The following ADGRL3 variants were observed in gnomAD, a reference collection of about 807,000 sequenced individuals.
The protein encoded by ADGRL3 is adhesion G protein-coupled receptor L3, also known as calcium-independent alpha-latrotoxin receptor 3.
In ADGRL3, 62 loss-of-function variants were observed where a neutral mutation model predicts 153.5. The observed-to-expected ratio is 0.40, with a 90% CI of 0.33 to 0.50. The LOEUF is 0.50. Among genes scored for constraint, ADGRL3 ranks in the 20% least tolerant of loss-of-function variants. The probability of loss-of-function intolerance (pLI) is 0.47; values close to 1 mark genes in which losing one functional copy is unlikely to be tolerated. For synonymous variants in ADGRL3, 710 were observed against 672.5 expected (o/e 1.06, Z -0.86); for missense variants, 1,641 against 1,859.4 (o/e 0.88, Z 2.16).
intron 1 of ADGRL3, among the ~76,000 whole-genome samples, chr4:61,251,578 A>G (rs543109661): frequency 5.9e-5 from 9 of 152,262 alleles, no homozygotes; most frequent in African/African-American, 1.9e-4. Flanking sequence ...GTTATCGCCA[A>G]TGAGATGACA....
intron 2 of ADGRL3, among the ~76,000 whole-genome samples, chr4:61,495,633 C>G (rs2098307051): frequency 6.6e-6 from 1 of 152,068 alleles, no homozygotes; most frequent in African/African-American, 2.4e-5. Context: ...GATTATGTTT[C>G]TTTAGTATTT....
rs1406649583 is a variant in ADGRL3, at chr4:61,318,202, A to AAC, written c.-239-64921_-239-64920insCA. On this transcript the variant is annotated intron_variant, in intron 1 of 26. Coordinates refer to ENST00000683033, the MANE Select transcript of ADGRL3 (RefSeq NM_001387552.1). The stretch of plus-strand genomic sequence containing the variant: ...GAGTGAGAACCTGTCTCAAAAAAAA[A>AAC]AAAAAAAAAAAACACAAAACACACA... Among the ~76,000 whole-genome samples the AAC allele has an allele frequency of 3.5e-4, 41 of 117,570 alleles. No individual in the cohort carries two copies. In the East Asian group the frequency reaches 6.8e-3, roughly 19 times the overall value. 77.1% of individuals were successfully genotyped at this position (117,570 alleles called of 152,430 possible).
intron 1 of ADGRL3, among the ~76,000 whole-genome samples, chr4:61,300,938 T>A (rs1000062027): frequency 6.6e-6 from 1 of 152,070 alleles, no homozygotes; most frequent in Non-Finnish European, 1.5e-5. Flanking sequence ...CTAATTTTTG[T>A]ATTTTTAGTA....
chr4:61,584,974 C>G (rs947941762), intron 4 of ADGRL3, among the ~76,000 whole-genome samples: 2 of 151,938 alleles, frequency 1.3e-5, no homozygotes, highest in Admixed American at 1.3e-4. Flanking sequence ...ATTTTAGGGA[C>G]AACAGAAATG....
chr4:61,361,084 C>G (rs552334937), intron 1 of ADGRL3, among the ~76,000 whole-genome samples: 76 of 152,238 alleles, frequency 5.0e-4, no homozygotes, highest in African/African-American at 1.7e-3. Flanking sequence ...GCTCCTAGCC[C>G]CAGTGTTGTT....
chr4:61,630,230 T>G (rs528549262), intron 5 of ADGRL3, among the ~76,000 whole-genome samples: 1 of 152,338 alleles, frequency 6.6e-6, no homozygotes, highest in South Asian at 2.1e-4. Context: ...TCAGGCATAC[T>G]TAAACCTTCC....
At chr4:61,362,694 G>A (rs1173636664) in intron 1 of ADGRL3, among the ~76,000 whole-genome samples, 1 of 152,126 alleles carries the variant, frequency 6.6e-6, no homozygotes, top group African/African-American at 2.4e-5. Flanking sequence ...TTCACATTGA[G>A]TAGGCAGAAG....
rs184320469 is a variant in ADGRL3 at position 61,768,270 on chromosome 4, G to A, written c.1399+34716G>A. Among the ~76,000 whole-genome samples the A allele has an allele frequency of 1.1e-3, 175 of 152,178 alleles. 1 individual carries two copies. The highest frequency in any genetic ancestry group is 4.0e-3 in the African/African-American group (167 of 41,474). ...GCCAGACCAGGTGTGAGGAGGGGAG[G>A]CAATAAAAAGATTACAGGGTGGAGG... On this transcript the variant is annotated intron_variant, in intron 8 of 26. Coordinates refer to ENST00000683033, the MANE Select transcript of ADGRL3 (RefSeq NM_001387552.1).
At chr4:61,284,828 A>G (rs1188440852) in intron 1 of ADGRL3, among the ~76,000 whole-genome samples, 1 of 151,700 alleles carries the variant, frequency 6.6e-6, no homozygotes, top group Non-Finnish European at 1.5e-5. Flanking sequence ...ATTTATATAT[A>G]TAAATCAACA....
chr4:61,614,214 C>T (rs1319462996), intron 5 of ADGRL3, among the ~76,000 whole-genome samples: 1 of 152,124 alleles, frequency 6.6e-6, no homozygotes, highest in Admixed American at 6.6e-5. Context: ...GCATAATGCT[C>T]AATACAGACC....
chr4:62,031,361 A>G (rs988393678), intron 22 of ADGRL3, 81 bp from the exon 23 acceptor site: 7 of 1,138,586 alleles, frequency 6.1e-6, no homozygotes, highest in Non-Finnish European at 7.3e-6. Context: ...CATTTTTTTC[A>G]GTGTCGTATT....
chr4:61,659,468 C>T (rs1439991252), intron 5 of ADGRL3, among the ~76,000 whole-genome samples: 1 of 152,156 alleles, frequency 6.6e-6, no homozygotes. Flanking sequence ...GCAGTGGACA[C>T]ATGGTAGTCT....
rs544271639 is a variant in ADGRL3 at position 61,318,879 on chromosome 4, T to A, written c.-239-64245T>A. 2.6e-5 allele frequency among the ~76,000 whole-genome samples: 4 copies of A among 152,362 alleles called. No homozygotes were observed. In the South Asian group the frequency reaches 8.3e-4, roughly 32 times the overall value. On this transcript the variant is annotated intron_variant, in intron 1 of 26. Transcript: ENST00000683033. ...ATTTTACATAATGTAATTTTTTATA[T>A]TGACAGTCAATACTCATTACCTCTC...
chr4:61,275,577 C>T (rs910618053), intron 1 of ADGRL3, among the ~76,000 whole-genome samples: 2 of 152,272 alleles, frequency 1.3e-5, no homozygotes, highest in Admixed American at 1.3e-4. Flanking sequence ...TCGATCTAGT[C>T]TGAAAAGTTT....
At chr4:61,403,801 G>A (rs920758314) in intron 2 of ADGRL3, among the ~76,000 whole-genome samples, 4 of 152,014 alleles carry the variant, frequency 2.6e-5, no homozygotes, top group East Asian at 1.9e-4. Flanking sequence ...GGTGGCGTGA[G>A]TATTGAACTA....
At chr4:61,693,111 A>G (rs1257124014) in intron 6 of ADGRL3, among the ~76,000 whole-genome samples, 1 of 152,092 alleles carries the variant, frequency 6.6e-6, no homozygotes, top group East Asian at 1.9e-4. Flanking sequence ...TTTTTTTATT[A>G]TTATTATTAT....
rs770848321 is a variant in ADGRL3, at chr4:61,507,049, T to C, written c.55+9701T>C. Among the ~76,000 whole-genome samples, 9 of 152,320 alleles carry C rather than the reference T, an allele frequency of 5.9e-5. No homozygotes were observed. In the East Asian group the frequency reaches 1.7e-3, roughly 29 times the overall value. On this transcript the variant is annotated intron_variant, in intron 3 of 26. Transcript: ENST00000683033. ...AAGAGTAGTAAACATAAACATTACCTGAATTAGATCAGAACTAATCTTTAG... is the reference window on the plus strand; with the variant it reads ...AAGAGTAGTAAACATAAACATTACCCGAATTAGATCAGAACTAATCTTTAG...
At chr4:62,037,607 T>G in intron 23 of ADGRL3, 124 bp from the exon 24 acceptor site, 1 of 1,031,682 alleles carries the variant, frequency 9.7e-7, no homozygotes, top group Non-Finnish European at 1.5e-6. Flanking sequence ...GAACAGACTT[T>G]CTTACATCTG....
At chr4:61,371,812 A>G (rs1029425058) in intron 1 of ADGRL3, among the ~76,000 whole-genome samples, 3 of 152,098 alleles carry the variant, frequency 2.0e-5, no homozygotes, top group African/African-American at 7.2e-5. Context: ...CCTGGATAAT[A>G]TCCTGCAGAG....
Sources: allele counts gnomAD v4.1 joint callset (sites outside exome capture counted in the v4.1 genomes callset), GRCh38; gene constraint gnomAD v4.1.1; transcripts MANE v1.5; gene names NCBI Gene and HGNC (gene_info 2026-07-23, HGNC 2026-07-21).